Variants in IFFO2 observed in about 807,000 individuals in gnomAD.
IFFO2 encodes intermediate filament family orphan 2.
IFFO2 carries 19 observed loss-of-function variants against 53.5 expected under a neutral mutation model. The ratio of observed to expected loss-of-function variants is 0.36; its 90% confidence interval spans 0.25 to 0.52. The LOEUF (loss-of-function observed/expected upper bound fraction) is 0.52, where lower values mean the gene tolerates loss of function less well. IFFO2 is among the 20% of genes least tolerant of loss of function. IFFO2 has a pLI of 0.94. For missense variants in IFFO2, 570 were observed against 727.4 expected (o/e 0.78, Z 2.49); for synonymous variants, 303 against 313.6 (o/e 0.97, Z 0.36).
chr1:18,925,989 TGGATGGATGGATTGGTTGGATGGATGGA>T (rs1228619395), intron 1 of IFFO2, among the ~76,000 whole-genome samples: 8 of 139,934 alleles, frequency 5.7e-5, no homozygotes, highest in South Asian at 2.3e-4. Flanking sequence ...GATGGATGGA[TGGATGGATGGATTGGTTGGATGGATGGA>T]TGGATGGATG....
rs1936133932 is a variant in IFFO2, at chr1:18,916,457, A to G, written c.1103+446T>C. Among the ~76,000 whole-genome samples, 1 of 152,106 alleles carries G rather than the reference A, an allele frequency of 6.6e-6. No homozygotes were observed. On this transcript the variant is annotated intron_variant, in intron 5 of 8. Transcript: ENST00000455833. The surrounding 1 kb of genome is among the most constrained non-coding windows in gnomAD (Gnocchi z 4.3). ...AGAGGCTGAACATATGAAATTTCCCAAATTACAAATGTTGAAAATGAGTCT... is the reference window on the plus strand; with the variant it reads ...AGAGGCTGAACATATGAAATTTCCCGAATTACAAATGTTGAAAATGAGTCT...
intron 1 of IFFO2, among the ~76,000 whole-genome samples, chr1:18,939,640 GCA>G (rs1374479151): frequency 6.6e-6 from 1 of 152,200 alleles, no homozygotes; most frequent in African/African-American, 2.4e-5. Flanking sequence ...CTGAGTCAAG[GCA>G]CAGTCTCTCA....
chr1:18,942,231 C>G (rs1360002175), intron 1 of IFFO2, among the ~76,000 whole-genome samples: 1 of 152,196 alleles, frequency 6.6e-6, no homozygotes, highest in African/African-American at 2.4e-5. Context: ...AGCTGGAAGG[C>G]TTGAGAACTT....
At chr1:18,909,224 G>T (rs894330649) in intron 8 of IFFO2, among the ~76,000 whole-genome samples, 1 of 152,174 alleles carries the variant, frequency 6.6e-6, no homozygotes, top group African/African-American at 2.4e-5. Context: ...GGCCCCCACA[G>T]AGCTGTCCCT....
At position 18,916,768 on chromosome 1, in the gene IFFO2, G is replaced by T; in HGVS notation, c.1103+135C>A. On this transcript the variant is annotated intron_variant, in intron 5 of 8. Transcript: ENST00000455833. The surrounding 1 kb of genome is among the most constrained non-coding windows in gnomAD (Gnocchi z 4.3). ...AGCCTGGGTGACAAAGTGAGACCCT[G>T]TCTCAAAAAAAAAAAGGAAATGAAT... 8.7e-7 allele frequency: 1 copy of T among 1,151,286 alleles called. No individual in the cohort carries two copies. The highest frequency in any genetic ancestry group is 1.2e-6 in the Non-Finnish European group (1 of 830,376). 71.3% of individuals were successfully genotyped at this position (1,151,286 alleles called of 1,614,324 possible).
intron 1 of IFFO2, among the ~76,000 whole-genome samples, chr1:18,935,864 ATTTTTT>A (rs757253270): frequency 1.4e-4 from 13 of 95,398 alleles, no homozygotes; most frequent in East Asian, 5.9e-4. Flanking sequence ...TAATTTTTCT[ATTTTTT>A]TTTTTTTTTT....
chr1:18,926,783 C>G (rs1239725958), intron 1 of IFFO2, among the ~76,000 whole-genome samples: 1 of 152,082 alleles, frequency 6.6e-6, no homozygotes, highest in East Asian at 1.9e-4. Flanking sequence ...ACCGACAAGC[C>G]TGCCCTACAG....
chr1:18,932,130 G>A (rs1052088973), intron 1 of IFFO2, among the ~76,000 whole-genome samples: 27 of 152,244 alleles, frequency 1.8e-4, no homozygotes, highest in African/African-American at 5.8e-4. Context: ...ACACGCTCCC[G>A]GGCAAGTGAT....
chr1:18,945,880 C>T (rs928021771), intron 1 of IFFO2, among the ~76,000 whole-genome samples: 62 of 152,208 alleles, frequency 4.1e-4, no homozygotes, highest in Admixed American at 4.1e-3. Context: ...AGATAAGAAA[C>T]GGAGGCTCAG....
At chr1:18,944,162 TA>T (rs1182421831) in intron 1 of IFFO2, among the ~76,000 whole-genome samples, 1 of 152,036 alleles carries the variant, frequency 6.6e-6, no homozygotes, top group African/African-American at 2.4e-5. Flanking sequence ...AATATGCAAA[TA>T]GGGGTGAGAG....
rs540464162 is a variant in IFFO2, at chr1:18,914,067, G to C, written c.1104-1984C>G. On this transcript the variant is annotated intron_variant, in intron 5 of 8. Coordinates refer to ENST00000455833, the MANE Select transcript of IFFO2 (RefSeq NM_001136265.2). ...AGGATGGTCTCGATCTCCTGACCTC[G>C]TGATCCGCCTGCCTCGGCCTCCCAA... is the stretch of plus-strand genomic sequence containing the variant. 1.9e-4 allele frequency among the ~76,000 whole-genome samples: 29 copies of C among 152,322 alleles called. No homozygotes were observed. In the East Asian group the frequency reaches 5.6e-3, roughly 29 times the overall value.
chr1:18,919,501 C>T lies in IFFO2; in HGVS notation c.822+177G>A, dbSNP rs558106600. Among the ~76,000 whole-genome samples the T allele has an allele frequency of 8.5e-6, 1 of 117,872 alleles. No individual in the cohort carries two copies. Among genetic ancestry groups the T allele is most frequent in the Non-Finnish European group, 1.8e-5 (1 of 55,584 alleles). 77.3% of individuals were successfully genotyped at this position (117,872 alleles called of 152,430 possible). ...GAGGGAAGCAGAAGTGGGGAGGGGG[C>T]GGGAGGAGGGTGCCTGGTCTCCGAT... On this transcript the variant is annotated intron_variant, in intron 3 of 8. Coordinates refer to ENST00000455833, the MANE Select transcript of IFFO2 (RefSeq NM_001136265.2). This position sits in a 1 kb window ranked among gnomAD's most constrained non-coding sequence, Gnocchi z 4.9.
At position 18,918,467 on chromosome 1, in the gene IFFO2, CT is replaced by C. The variant is rs1433064000; in HGVS notation, c.857del (p.Lys286ArgfsTer3). 6.4e-7 allele frequency: 1 copy of C among 1,560,158 alleles called. No individual in the cohort carries two copies. Among genetic ancestry groups the C allele is most frequent in the Non-Finnish European group, 8.7e-7 (1 of 1,151,722 alleles). On this transcript the variant is annotated frameshift_variant, in exon 4 of 9. Coordinates refer to ENST00000455833, the MANE Select transcript of IFFO2 (RefSeq NM_001136265.2). LOFTEE classifies it high-confidence loss of function. The surrounding 1 kb of genome is among the most constrained non-coding windows in gnomAD (Gnocchi z 5.2). Reference protein sequence around the residue: ...MTDLDTKIQEKAMKVDMDICR... With the variant: ...MTDLDTKIQEXAMKVDMDICR... ...AGATGTCCATGTCCACCTTCATGGC[CT>C]TTTCTTGGATCTTTGTGTCCAGGTC...
intron 1 of IFFO2, among the ~76,000 whole-genome samples, chr1:18,924,142 C>T (rs1056252744): frequency 6.6e-6 from 1 of 152,228 alleles, no homozygotes; most frequent in Non-Finnish European, 1.5e-5. Context: ...TGGAGAAAAC[C>T]TGGCTCCGCC....
At chr1:18,944,027 A>C (rs1936554985) in intron 1 of IFFO2, among the ~76,000 whole-genome samples, 1 of 151,882 alleles carries the variant, frequency 6.6e-6, no homozygotes. Flanking sequence ...CAAGGGTTTA[A>C]GGGGAGTCCT....
chr1:18,948,335 A>C (rs1321546780), intron 1 of IFFO2, among the ~76,000 whole-genome samples: 1 of 152,226 alleles, frequency 6.6e-6, no homozygotes, highest in Non-Finnish European at 1.5e-5. Flanking sequence ...GTTGTGCTAC[A>C]TTACGGAGAG....
intron 1 of IFFO2, among the ~76,000 whole-genome samples, chr1:18,931,884 C>A (rs541709692): frequency 6.6e-6 from 1 of 152,358 alleles, no homozygotes; most frequent in South Asian, 2.1e-4. Flanking sequence ...GGTTACAGTG[C>A]CACGGTCAGA....
rs1356732808 is a variant in IFFO2 at position 18,928,107 on chromosome 1, T to G, written c.666-6986A>C. 6.6e-6 allele frequency among the ~76,000 whole-genome samples: 1 copy of G among 152,154 alleles called. No homozygotes were observed. Among genetic ancestry groups the G allele is most frequent in the Non-Finnish European group, 1.5e-5 (1 of 68,028 alleles). ...TGACTTTCTCTCCCACATGGCACGCTGCAAGCCCGTCTTCTCCCCCGAAAA... is the reference window on the plus strand; with the variant it reads ...TGACTTTCTCTCCCACATGGCACGCGGCAAGCCCGTCTTCTCCCCCGAAAA... On this transcript the variant is annotated intron_variant, in intron 1 of 8. Coordinates refer to ENST00000455833, the MANE Select transcript of IFFO2 (RefSeq NM_001136265.2). This position sits in a 1 kb window ranked among gnomAD's most constrained non-coding sequence, Gnocchi z 4.9.
At chr1:18,945,502 G>A (rs958010304) in intron 1 of IFFO2, among the ~76,000 whole-genome samples, 1 of 152,204 alleles carries the variant, frequency 6.6e-6, no homozygotes, top group African/African-American at 2.4e-5. Flanking sequence ...GCCAAGAACC[G>A]TCTTAAATAA....
Sources: allele counts gnomAD v4.1 joint callset (sites outside exome capture counted in the v4.1 genomes callset), GRCh38; gene constraint gnomAD v4.1.1; non-coding constraint Gnocchi (gnomAD v3.1); transcripts MANE v1.5; gene names NCBI Gene and HGNC (gene_info 2026-07-23, HGNC 2026-07-21).